Variants in LAPTM5 observed in about 807,000 individuals in gnomAD.
LAPTM5 encodes lysosomal-associated transmembrane protein 5.
Under a neutral mutation model 30.1 loss-of-function variants are expected in LAPTM5, and 11 were observed. That is an observed-to-expected ratio of 0.37 (90% CI 0.23 to 0.60). The LOEUF is 0.60. Among genes scored for constraint, LAPTM5 ranks in the 20% least tolerant of loss-of-function variants. The pLI is 0.71. For missense variants in LAPTM5, 324 were observed against 332.5 expected, an observed-to-expected ratio of 0.97 and a Z score of 0.20; for synonymous variants, 151 against 137.9, an observed-to-expected ratio of 1.10 and a Z score of -0.67.
intron 6 of LAPTM5, among the ~76,000 whole-genome samples, chr1:30,736,982 G>A (rs955806602): frequency 4.6e-5 from 7 of 152,118 alleles, no homozygotes; most frequent in Admixed American, 3.9e-4. Context: ...TCTTTGTTGG[G>A]TTTTGTGGGG....
At chr1:30,735,981 C>T (rs894649306) in intron 6 of LAPTM5, among the ~76,000 whole-genome samples, 6 of 151,978 alleles carry the variant, frequency 3.9e-5, no homozygotes, top group East Asian at 3.8e-4. Context: ...AAAATCAAGT[C>T]GGTGGAGGGG....
At chr1:30,750,789 C>T (rs566787565) in intron 1 of LAPTM5, among the ~76,000 whole-genome samples, 2 of 152,330 alleles carry the variant, frequency 1.3e-5, no homozygotes, top group African/African-American at 4.8e-5. Context: ...TGGAGGCCCC[C>T]GTGGCAGCTG....
intron 1 of LAPTM5, among the ~76,000 whole-genome samples, chr1:30,749,563 A>AGATGAG (rs1368493028): frequency 1.9e-4 from 29 of 152,206 alleles, no homozygotes; most frequent in African/African-American, 5.3e-4. Flanking sequence ...ATGAAGATGA[A>AGATGAG]TCAGGCTGGG....
At chr1:30,747,820 T>C (rs956261232) in intron 1 of LAPTM5, among the ~76,000 whole-genome samples, 1 of 152,118 alleles carries the variant, frequency 6.6e-6, no homozygotes, top group Non-Finnish European at 1.5e-5. Context: ...TGGGAGGCAC[T>C]GGCCATGGTG....
chr1:30,733,882 C>G lies in LAPTM5; in HGVS notation c.735G>C (p.Leu245Phe). 1 of 1,611,224 alleles carries G rather than the reference C, an allele frequency of 6.2e-7. No homozygotes were observed. Among genetic ancestry groups the G allele is most frequent in the Non-Finnish European group, 8.5e-7 (1 of 1,179,356 alleles). Residue 245 changes from leucine (L) to phenylalanine (F), a missense_variant, in exon 8 of 8, where the codon TTG becomes TTC. Physicochemically the swap from Leu to Phe is conservative, Grantham distance 22 (BLOSUM62 0). Coordinates refer to ENST00000294507, the MANE Select transcript of LAPTM5 (RefSeq NM_006762.3). ...VLPSYEEALSLPSKTPEGGPA... is the reference protein window; with the variant it reads ...VLPSYEEALSFPSKTPEGGPA... ...GGCCCCCCTCTGGGGTCTTCGATGG[C>G]AAAGACAGGGCTTCCTCGTAGGACG...
chr1:30,753,858 C>A lies in LAPTM5; in HGVS notation c.87+3801G>T, dbSNP rs556429602. Among the ~76,000 whole-genome samples, 58 of 152,316 alleles carry A rather than the reference C, an allele frequency of 3.8e-4. 1 individual carries two copies. In the Middle Eastern group the frequency reaches 0.01, roughly 27 times the overall value. Reference sequence around the variant, plus strand: ...CAATAGAGGAACTAGGCATGGGGGACGCAAGAACTATCTGTACTGTGTTTG... The same window carrying A: ...CAATAGAGGAACTAGGCATGGGGGAAGCAAGAACTATCTGTACTGTGTTTG... On this transcript the variant is annotated intron_variant, in intron 1 of 7. Coordinates refer to ENST00000294507, the MANE Select transcript of LAPTM5 (RefSeq NM_006762.3).
intron 2 of LAPTM5, chr1:30,741,922 G>A: frequency 4.5e-6 from 2 of 444,298 alleles, no homozygotes; most frequent in Non-Finnish European, 8.2e-6. Context: ...ATGCGACAGA[G>A]GGTGCTGGGC....
intron 1 of LAPTM5, among the ~76,000 whole-genome samples, chr1:30,745,197 A>G (rs1331752162): frequency 2.0e-5 from 3 of 152,174 alleles, no homozygotes; most frequent in African/African-American, 4.8e-5. Context: ...AAAAGGGACT[A>G]TTCTTAATAC....
rs752042414 is a variant in LAPTM5 at position 30,739,036 on chromosome 1, C to T, written c.414G>A (p.Thr138=). 3.0e-5 allele frequency: 48 copies of T among 1,601,756 alleles called. No homozygotes were observed. The highest frequency in any genetic ancestry group is 3.5e-5 in the Non-Finnish European group (41 of 1,173,700). Residue 138 remains threonine, a synonymous_variant, in exon 5 of 8, where the codon ACG becomes ACA. Coordinates refer to ENST00000294507, the MANE Select transcript of LAPTM5 (RefSeq NM_006762.3). The surrounding 1 kb of genome is among the most constrained non-coding windows in gnomAD (Gnocchi z 4.2). ...TCAGGCAGAAGTCCAGCAGCTGCAG[C>T]GTCATCAGGGGGAACTTGGAGGAGC... ...RASSSKFPLM[T]LQLLDFCLSI...
intron 1 of LAPTM5, among the ~76,000 whole-genome samples, chr1:30,755,757 A>AT (rs1287337932): frequency 6.6e-6 from 1 of 152,150 alleles, no homozygotes; most frequent in Non-Finnish European, 1.5e-5. Flanking sequence ...CTGCACTGAG[A>AT]TTTTTTTCTA....
chr1:30,750,567 T>A lies in LAPTM5; in HGVS notation c.87+7092A>T, dbSNP rs144120035. ...TCCCATATTTTTCTGATTTTGCAGG[T>A]AAAATTGAAATCAGCTCTTTACACA... On this transcript the variant is annotated intron_variant, in intron 1 of 7. Transcript: ENST00000294507. 2.0e-3 allele frequency among the ~76,000 whole-genome samples: 311 copies of A among 152,264 alleles called. 2 individuals are homozygous for A. Among genetic ancestry groups the A allele is most frequent in the African/African-American group, 7.3e-3 (303 of 41,556 alleles).
intron 1 of LAPTM5, among the ~76,000 whole-genome samples, chr1:30,749,682 C>A (rs3790500): frequency 0.043 from 6,492 of 152,070 alleles, 227 homozygotes; most frequent in East Asian, 0.16. Context: ...GGGGTCAGGG[C>A]GGGCTTCTCA....
At chr1:30,754,563 T>A (rs928256094) in intron 1 of LAPTM5, among the ~76,000 whole-genome samples, 54 of 151,186 alleles carry the variant, frequency 3.6e-4, no homozygotes, top group African/African-American at 1.2e-3. Flanking sequence ...ACAAAACAAA[T>A]CAAACCACAA....
At position 30,737,606 on chromosome 1, in the gene LAPTM5, T is replaced by C; in HGVS notation, c.604A>G (p.Lys202Glu). Residue 202 changes from lysine (K) to glutamate (E), a missense_variant and splice_region_variant, in exon 6 of 8, where the codon AAG becomes GAG. By Grantham distance (56) the Lys-to-Glu change is moderately conservative (BLOSUM62 1). Transcript: ENST00000294507. ...SIAFITVLIF[K>E]VYMFKCVWRC... ...CCGCAGGGCAGGGATCCACTCACCT[T>C]GAAGATAAGGACAGTGATGAAGGCG... 4 of 1,610,448 alleles carry C rather than the reference T, an allele frequency of 2.5e-6. No individual in the cohort carries two copies. Among genetic ancestry groups the C allele is most frequent in the Non-Finnish European group, 3.4e-6 (4 of 1,177,150 alleles).
At chr1:30,748,875 T>A (rs1640087794) in intron 1 of LAPTM5, among the ~76,000 whole-genome samples, 1 of 152,248 alleles carries the variant, frequency 6.6e-6, no homozygotes, top group Admixed American at 6.5e-5. Context: ...CCCTGTGGGA[T>A]CCTGGCCTGG....
chr1:30,735,604 C>T (rs756059217), intron 6 of LAPTM5, among the ~76,000 whole-genome samples: 10 of 152,314 alleles, frequency 6.6e-5, no homozygotes, highest in South Asian at 2.1e-4. Context: ...CTGCCCATCT[C>T]GAAACAGAGC....
intron 1 of LAPTM5, among the ~76,000 whole-genome samples, chr1:30,749,352 G>A (rs1265548065): frequency 1.3e-5 from 2 of 152,176 alleles, no homozygotes; most frequent in African/African-American, 2.4e-5. Context: ...GGCGAGGCGG[G>A]GGCTCTAGGG....
chr1:30,748,924 A>G (rs1407543985), intron 1 of LAPTM5, among the ~76,000 whole-genome samples: 4 of 152,220 alleles, frequency 2.6e-5, no homozygotes, highest in African/African-American at 7.2e-5. Context: ...CATCTGTAGA[A>G]GGGAGAGAAG....
At chr1:30,736,186 G>A (rs938311053) in intron 6 of LAPTM5, among the ~76,000 whole-genome samples, 21 of 152,132 alleles carry the variant, frequency 1.4e-4, no homozygotes, top group African/African-American at 2.4e-4. Context: ...TCACTAGTGC[G>A]TTTGTGCTAG....
Sources: gnomAD v4.1 joint callset for allele counts (sites outside exome capture counted in the v4.1 genomes callset) on GRCh38, gnomAD v4.1.1 for gene constraint, Gnocchi (gnomAD v3.1) non-coding constraint, MANE v1.5 for transcripts, NCBI Gene and HGNC (gene_info 2026-07-23, HGNC 2026-07-21) for gene names.